Variants in PACSIN2 observed in about 807,000 individuals in gnomAD.
PACSIN2 encodes the protein protein kinase C and casein kinase substrate in neurons protein 2.
PACSIN2 carries 25 observed loss-of-function variants against 63.8 expected under a neutral mutation model. That is an observed-to-expected ratio of 0.39 (90% CI 0.29 to 0.55). PACSIN2 has a LOEUF of 0.55. PACSIN2 is among the 20% of genes least tolerant of loss of function. The probability of loss-of-function intolerance (pLI) is 0.62; values close to 1 mark genes in which losing one functional copy is unlikely to be tolerated. For missense variants in PACSIN2, 518 were observed against 646.9 expected (o/e 0.80, Z 2.16); for synonymous variants, 255 against 256.2 (o/e 1.00, Z 0.05).
chr22:42,879,877 G>A (rs1022690308), intron 7 of PACSIN2, among the ~76,000 whole-genome samples: 2 of 152,166 alleles, frequency 1.3e-5, no homozygotes, highest in African/African-American at 2.4e-5. Context: ...TGCTGCCCTG[G>A]GACTTTTCCT....
At chr22:42,904,545 C>A (rs1354144130) in intron 2 of PACSIN2, among the ~76,000 whole-genome samples, 2 of 152,176 alleles carry the variant, frequency 1.3e-5, no homozygotes, top group African/African-American at 4.8e-5. Context: ...CCCAAGGCAC[C>A]CCCTGACTGA....
intron 1 of PACSIN2, among the ~76,000 whole-genome samples, chr22:42,954,653 C>G (rs1223598250): frequency 1.3e-5 from 2 of 152,144 alleles, no homozygotes; most frequent in Non-Finnish European, 2.9e-5. Context: ...TGTAAACAGT[C>G]ACGTGGTTAG....
chr22:43,005,008 C>G (rs1438911575), intron 1 of PACSIN2, among the ~76,000 whole-genome samples: 1 of 152,234 alleles, frequency 6.6e-6, no homozygotes, highest in Non-Finnish European at 1.5e-5. Flanking sequence ...GACAACCAAG[C>G]TCTTTTTATT....
At chr22:42,879,330 TC>T (rs1209354155) in intron 7 of PACSIN2, among the ~76,000 whole-genome samples, 161 bp from the exon 8 acceptor site, 1 of 152,170 alleles carries the variant, frequency 6.6e-6, no homozygotes, top group East Asian at 1.9e-4. Context: ...GACCTCAGGC[TC>T]CCCATGCCCC....
At chr22:42,926,279 A>T (rs1932528705) in intron 1 of PACSIN2, among the ~76,000 whole-genome samples, 1 of 152,216 alleles carries the variant, frequency 6.6e-6, no homozygotes, top group Non-Finnish European at 1.5e-5. Context: ...CAAGGGAATC[A>T]CACTGAGGCC....
chr22:42,878,982 C>G, intron 8 of PACSIN2, 66 bp downstream of exon 8: 1 of 1,557,254 alleles, frequency 6.4e-7, no homozygotes, highest in Non-Finnish European at 8.7e-7. Context: ...TGCCCTGGAC[C>G]ATGCAGATTG....
intron 1 of PACSIN2, among the ~76,000 whole-genome samples, chr22:43,009,730 T>A (rs75352640): frequency 0.011 from 1,706 of 152,320 alleles, 19 homozygotes; most frequent in Non-Finnish European, 0.02. Flanking sequence ...ATAAATTTTA[T>A]CTGGCCACAG....
intron 10 of PACSIN2, among the ~76,000 whole-genome samples, chr22:42,873,523 G>A (rs879476061): frequency 6.6e-6 from 1 of 152,234 alleles, no homozygotes; most frequent in Non-Finnish European, 1.5e-5. Flanking sequence ...CTAGGCCATT[G>A]GGCACAGCCC....
intron 1 of PACSIN2, among the ~76,000 whole-genome samples, chr22:43,014,133 C>T (rs1924685566): frequency 1.3e-5 from 2 of 152,136 alleles, no homozygotes; most frequent in African/African-American, 2.4e-5. Context: ...ATCACTACCT[C>T]TCCAATTGCG....
At chr22:42,897,248 T>A (rs143570021) in intron 2 of PACSIN2, among the ~76,000 whole-genome samples, 18 of 152,362 alleles carry the variant, frequency 1.2e-4, no homozygotes, top group African/African-American at 4.3e-4. Context: ...GTTCCCTTTT[T>A]AATATATTTT....
chr22:42,883,822 G>A (rs1929257633), intron 6 of PACSIN2, among the ~76,000 whole-genome samples: 1 of 152,178 alleles, frequency 6.6e-6, no homozygotes, highest in African/African-American at 2.4e-5. Flanking sequence ...TGGACAACAT[G>A]GTGAAACCCC....
rs574324222 is a variant in PACSIN2 at position 42,928,748 on chromosome 22, C to G, written c.-77-16591G>C. On this transcript the variant is annotated intron_variant, in intron 1 of 10. Coordinates refer to ENST00000263246, the MANE Select transcript of PACSIN2 (RefSeq NM_001184970.3). Reference sequence around the variant, plus strand: ...GGAAAAATACACACAAATACATATACCTCTAAACAAACAAAATCAATAAAG... The same window carrying G: ...GGAAAAATACACACAAATACATATAGCTCTAAACAAACAAAATCAATAAAG... Among the ~76,000 whole-genome samples, 16 of 152,272 alleles carry G rather than the reference C, an allele frequency of 1.1e-4. 1 individual carries two copies. In the East Asian group the frequency reaches 2.9e-3, roughly 28 times the overall value.
intron 1 of PACSIN2, 59 bp downstream of exon 1, chr22:43,014,961 CG>C (rs1057484137): frequency 1.3e-4 from 20 of 150,252 alleles, no homozygotes; most frequent in African/African-American, 4.9e-4. Context: ...CCAGCGCCCC[CG>C]CGTCCCGCCC....
At chr22:43,013,445 C>T (rs1488903975) in intron 1 of PACSIN2, among the ~76,000 whole-genome samples, 5 of 152,252 alleles carry the variant, frequency 3.3e-5, no homozygotes, top group Non-Finnish European at 7.3e-5. Flanking sequence ...TAAGTCCACA[C>T]AAGTGAAAGT....
Position 43,005,730 on chromosome 22 carries a change from T to G in PACSIN2, c.-78+9291A>C, listed in dbSNP as rs1010880398. On this transcript the variant is annotated intron_variant, in intron 1 of 10. Transcript: ENST00000263246. ...TAGGAGAGTGACTGAATGAGCACTG[T>G]GACCAGGCACACATGCTGGGCTCCT... Among the ~76,000 whole-genome samples the G allele has an allele frequency of 3.3e-5, 5 of 152,340 alleles. No individual in the cohort carries two copies. In the Middle Eastern group the frequency reaches 0.01, roughly 311 times the overall value.
chr22:42,954,177 C>T (rs747511311), intron 1 of PACSIN2, among the ~76,000 whole-genome samples: 3 of 152,186 alleles, frequency 2.0e-5, no homozygotes, highest in Non-Finnish European at 2.9e-5. Context: ...GCAAGAGAAT[C>T]ACTTGAACCT....
In PACSIN2 at chr22:42,869,833, T is replaced by C. The variant is rs879616383; in HGVS notation, c.*1524A>G. On this transcript the variant is annotated 3_prime_UTR_variant, in exon 11 of 11. Transcript: ENST00000263246. The stretch of plus-strand genomic sequence containing the variant: ...AAATACTACACATGTAAAGGAACTG[T>C]TAAACTGAAAAAGACTTGACAATTT... 6.6e-6 allele frequency: 1 copy of C among 152,326 alleles called. No individual in the cohort carries two copies. The highest frequency in any genetic ancestry group is 2.4e-5 in the African/African-American group (1 of 41,458). The allele number at this position is 152,326 out of a possible 1,614,324, so 9.4% of individuals were successfully genotyped here.
chr22:42,977,539 C>T (rs1921787935), intron 1 of PACSIN2, among the ~76,000 whole-genome samples: 1 of 152,148 alleles, frequency 6.6e-6, no homozygotes, highest in African/African-American at 2.4e-5. Context: ...CATTTTCAGC[C>T]ATGAGATTAG....
At chr22:42,919,879 G>T (rs1004419541) in intron 1 of PACSIN2, among the ~76,000 whole-genome samples, 1 of 150,916 alleles carries the variant, frequency 6.6e-6, no homozygotes, top group African/African-American at 2.4e-5. Flanking sequence ...CACTTTGAAA[G>T]GCCAAAGCAG....
Sources: allele counts gnomAD v4.1 joint callset (sites outside exome capture counted in the v4.1 genomes callset), GRCh38; gene constraint gnomAD v4.1.1; transcripts MANE v1.5; gene names NCBI Gene and HGNC (gene_info 2026-07-23, HGNC 2026-07-21).